The following PGCKA1 variants were observed in gnomAD, a reference collection of about 807,000 sequenced individuals.
PGCKA1 encodes PDCD10 and GCKIII kinases associated 1.
chr4:37,469,309 AT>A, the PGCKA1 span, among the ~76,000 whole-genome samples: 1 of 152,160 alleles, frequency 6.6e-6, no homozygotes, highest in Non-Finnish European at 1.5e-5. Flanking sequence ...AGCACTAATT[AT>A]TTTCTCCTCA....
the PGCKA1 span, among the ~76,000 whole-genome samples, chr4:37,547,161 C>T: frequency 1.3e-5 from 2 of 151,894 alleles, no homozygotes; most frequent in Admixed American, 1.3e-4. Context: ...AATTCCTTGA[C>T]AAGACTGGTC....
the PGCKA1 span, among the ~76,000 whole-genome samples, chr4:37,556,288 A>G: frequency 7.0e-6 from 1 of 141,932 alleles, no homozygotes; most frequent in South Asian, 2.2e-4. Context: ...TTTTTTTGAG[A>G]CAGAGTTTCG....
the PGCKA1 span, among the ~76,000 whole-genome samples, chr4:37,468,680 T>C: frequency 4.6e-5 from 7 of 152,186 alleles, no homozygotes; most frequent in African/African-American, 1.7e-4. Context: ...CTGAACATTT[T>C]CCATATCCTA....
chr4:37,492,314 A>C, the PGCKA1 span, among the ~76,000 whole-genome samples: 1 of 152,174 alleles, frequency 6.6e-6, no homozygotes, highest in Non-Finnish European at 1.5e-5. This position sits in a 1 kb window ranked among gnomAD's most constrained non-coding sequence, Gnocchi z 4.7. Flanking sequence ...CTGCTCATAT[A>C]TAAGAGCAAG....
the PGCKA1 span, among the ~76,000 whole-genome samples, chr4:37,512,620 A>AT: frequency 6.6e-6 from 1 of 151,658 alleles, no homozygotes; most frequent in Non-Finnish European, 1.5e-5. Flanking sequence ...GGCCTAGCTA[A>AT]TTTTTTTATA....
chr4:37,591,067 G>C, the PGCKA1 span: 1 of 1,332,002 alleles, frequency 7.5e-7, no homozygotes, highest in Non-Finnish European at 1.0e-6. Context: ...TTGCTCCCTG[G>C]ATGCATAGCA....
the PGCKA1 span, among the ~76,000 whole-genome samples, chr4:37,553,345 A>T: frequency 0.017 from 2,396 of 137,876 alleles, 184 homozygotes; most frequent in African/African-American, 0.06. Flanking sequence ...TTGACACCTG[A>T]TCTTTATAGT....
At chr4:37,463,373 C>A in the PGCKA1 span, among the ~76,000 whole-genome samples, 1,191 of 152,278 alleles carry the variant, frequency 7.8e-3, 21 homozygotes, top group African/African-American at 0.028. Flanking sequence ...ATTGGCTAGA[C>A]CGTCAAGATT....
chr4:37,568,960 G>A, the PGCKA1 span, among the ~76,000 whole-genome samples: 1,590 of 151,952 alleles, frequency 0.01, 102 homozygotes, highest in Admixed American at 0.094. Flanking sequence ...AGCTGGACAC[G>A]GTGGCGTGTG....
chr4:37,460,966 T>A, the PGCKA1 span: 1 of 350,984 alleles, frequency 2.8e-6, no homozygotes, highest in South Asian at 2.2e-5. Context: ...TTTATGGTTT[T>A]GGGTTTTACA....
At chr4:37,555,920 CCT>C in the PGCKA1 span, among the ~76,000 whole-genome samples, 1,134 of 152,300 alleles carry the variant, frequency 7.4e-3, 4 homozygotes, top group Middle Eastern at 0.02. Context: ...CCTTGTTCCC[CCT>C]GAGTCTCCTC....
At chr4:37,557,544 T>G in the PGCKA1 span, among the ~76,000 whole-genome samples, 2 of 152,206 alleles carry the variant, frequency 1.3e-5, no homozygotes, top group African/African-American at 4.8e-5. Context: ...ATAAGGCAGA[T>G]GGGGCGAGGC....
the PGCKA1 span, among the ~76,000 whole-genome samples, chr4:37,572,063 C>T: frequency 0.29 from 25,279 of 88,542 alleles, 2,780 homozygotes; most frequent in Non-Finnish European, 0.34. Context: ...TTTTTTTTTT[C>T]TTTTTTTTTT....
chr4:37,531,470 A>G, the PGCKA1 span, among the ~76,000 whole-genome samples: 5 of 152,200 alleles, frequency 3.3e-5, no homozygotes, highest in Non-Finnish European at 7.3e-5. Context: ...CTTCAAGCTC[A>G]GAACCCAGAA....
At chr4:37,530,489 G>A in the PGCKA1 span, among the ~76,000 whole-genome samples, 1 of 147,330 alleles carries the variant, frequency 6.8e-6, no homozygotes, top group East Asian at 2.0e-4. Context: ...CACAAGAATC[G>A]CTTGAACCCA....
At chr4:37,454,258 C>G in the PGCKA1 span, among the ~76,000 whole-genome samples, 7 of 151,966 alleles carry the variant, frequency 4.6e-5, no homozygotes, top group Admixed American at 4.6e-4. Flanking sequence ...CTAAAAGGGG[C>G]AAAACTCGGG....
chr4:37,552,498 G>A, the PGCKA1 span, among the ~76,000 whole-genome samples: 6 of 152,166 alleles, frequency 3.9e-5, no homozygotes, highest in African/African-American at 1.4e-4. Flanking sequence ...TATGCATAAG[G>A]AAGGAGCTAG....
At chr4:37,489,130 T>C in the PGCKA1 span, among the ~76,000 whole-genome samples, 1 of 150,958 alleles carries the variant, frequency 6.6e-6, no homozygotes, top group East Asian at 1.9e-4. Flanking sequence ...GTTCAATGGG[T>C]ATAAAGTTTC....
chr4:37,544,288 A>G, the PGCKA1 span, among the ~76,000 whole-genome samples: 2 of 152,022 alleles, frequency 1.3e-5, no homozygotes, highest in African/African-American at 4.8e-5. Flanking sequence ...CTTTTATCCT[A>G]CTTCTGAAAT....
Sources: gnomAD v4.1 joint callset for allele counts (sites outside exome capture counted in the v4.1 genomes callset) on GRCh38, gnomAD v4.1.1 for gene constraint, Gnocchi (gnomAD v3.1) non-coding constraint, MANE v1.5 for transcripts, NCBI Gene and HGNC (gene_info 2026-07-23, HGNC 2026-07-21) for gene names.